Variants in PLGRKT observed in about 807,000 individuals in gnomAD.
PLGRKT encodes the protein plasminogen receptor (KT).
Under a neutral mutation model 18.5 loss-of-function variants are expected in PLGRKT, and 22 were observed. The ratio of observed to expected loss-of-function variants is 1.19; its 90% CI spans 0.85 to 1.70. PLGRKT has a LOEUF of 1.70. Ranked by LOEUF, PLGRKT falls within the 40% of genes most tolerant of loss-of-function variation. The probability of loss-of-function intolerance (pLI) is 0.00; values close to 1 mark genes in which losing one functional copy is unlikely to be tolerated. For missense variants in PLGRKT, 235 were observed against 174.4 expected, an observed-to-expected ratio of 1.35 and a Z score of -1.96; for synonymous variants, 72 against 52.8, an observed-to-expected ratio of 1.36 and a Z score of -1.58.
At chr9:5,424,480 A>G (rs10975110) in intron 3 of PLGRKT, among the ~76,000 whole-genome samples, 1 of 126,934 alleles carries the variant, frequency 7.9e-6, no homozygotes, top group Non-Finnish European at 1.6e-5. Context: ...CATATTATAA[A>G]ATATAATATA....
rs1474253898 is a variant in PLGRKT at position 5,435,336 on chromosome 9, A to AAAAAG, written c.-7+1232_-7+1233insCTTTT. Among the ~76,000 whole-genome samples, 1,076 of 150,258 alleles carry AAAAAG rather than the reference A, an allele frequency of 7.2e-3. 19 individuals carry two copies. The highest frequency in any genetic ancestry group is 0.025 in the African/African-American group (1,009 of 40,264). ...CAATAAATACTAAAAAAAAAAAAAA[A>AAAAAG]AAGAAGAAGATTGAGCTGTCTCAAG... On this transcript the variant is annotated intron_variant, in intron 2 of 5. Transcript: ENST00000223864.
chr9:5,362,590 G>T, intron 3 of PLGRKT, among the ~76,000 whole-genome samples: 1 of 152,138 alleles, frequency 6.6e-6, no homozygotes, highest in East Asian at 1.9e-4. Context: ...AAGTGTTGTT[G>T]GCATTGTTGT....
intron 3 of PLGRKT, among the ~76,000 whole-genome samples, chr9:5,392,044 G>A (rs1026127309): frequency 6.6e-6 from 1 of 151,970 alleles, no homozygotes; most frequent in African/African-American, 2.4e-5. Context: ...TGTACCATGA[G>A]ACCTAGAGGG....
At chr9:5,402,981 T>A (rs1421255019) in intron 3 of PLGRKT, among the ~76,000 whole-genome samples, 2 of 151,772 alleles carry the variant, frequency 1.3e-5, no homozygotes, top group Non-Finnish European at 2.9e-5. Context: ...AAGAAACTTA[T>A]AGAACAGACC....
intron 3 of PLGRKT, among the ~76,000 whole-genome samples, chr9:5,365,663 T>G (rs1054924853): frequency 1.3e-5 from 2 of 152,192 alleles, no homozygotes; most frequent in African/African-American, 4.8e-5. Context: ...AAATGAAATC[T>G]GAACGTGGGA....
At chr9:5,364,151 C>T (rs1980669) in intron 3 of PLGRKT, among the ~76,000 whole-genome samples, 1 of 152,170 alleles carries the variant, frequency 6.6e-6, no homozygotes, top group African/African-American at 2.4e-5. Flanking sequence ...ACCAGATATA[C>T]CTCCCAGACC....
At chr9:5,377,840 G>A (rs7019499) in intron 3 of PLGRKT, among the ~76,000 whole-genome samples, 34,166 of 152,078 alleles carry the variant, frequency 0.22, 4,755 homozygotes, top group Non-Finnish European at 0.3. Flanking sequence ...TTATTCTAGG[G>A]GATGGGGTCT....
At chr9:5,394,019 C>A (rs1351923717) in intron 3 of PLGRKT, among the ~76,000 whole-genome samples, 1 of 151,770 alleles carries the variant, frequency 6.6e-6, no homozygotes, top group East Asian at 1.9e-4. Flanking sequence ...CTAGAAATGA[C>A]CATCTCCCTA....
In PLGRKT at chr9:5,424,744, C is replaced by T. The variant is rs541779316; in HGVS notation, c.81+7153G>A. On this transcript the variant is annotated intron_variant, in intron 3 of 5. Coordinates refer to ENST00000223864, the MANE Select transcript of PLGRKT (RefSeq NM_018465.4). ...ACAGAGAGAGAGAGAGAGAAAGAGA[C>T]AGAGTTTTGTCACGTTGCCCGGGCT... 1.6e-4 allele frequency among the ~76,000 whole-genome samples: 21 copies of T among 133,438 alleles called. No individual in the cohort carries two copies. The East Asian group carries it at 4.1e-3, about 26-fold the overall frequency. The allele number at this position is 133,438 out of a possible 152,430, so 87.5% of individuals were successfully genotyped here.
chr9:5,383,686 T>A (rs1382480317), intron 3 of PLGRKT, among the ~76,000 whole-genome samples: 2 of 152,016 alleles, frequency 1.3e-5, no homozygotes, highest in African/African-American at 4.8e-5. Context: ...GCAACCTACA[T>A]CCCTCACATG....
chr9:5,380,675 T>C (rs1473494688), intron 3 of PLGRKT, among the ~76,000 whole-genome samples: 1 of 152,204 alleles, frequency 6.6e-6, no homozygotes, highest in African/African-American at 2.4e-5. Flanking sequence ...TTTTTCCCAC[T>C]TCTAAAATGT....
At chr9:5,421,919 T>C (rs1221805710) in intron 3 of PLGRKT, among the ~76,000 whole-genome samples, 2 of 152,218 alleles carry the variant, frequency 1.3e-5, no homozygotes, top group Non-Finnish European at 2.9e-5. Context: ...AAAGAGTTTA[T>C]AGTCACAATA....
At chr9:5,362,120 T>C (rs1817280849) in intron 3 of PLGRKT, among the ~76,000 whole-genome samples, 1 of 152,226 alleles carries the variant, frequency 6.6e-6, no homozygotes, top group African/African-American at 2.4e-5. Flanking sequence ...ATTCCATTTT[T>C]ACACCCTGAG....
At chr9:5,430,248 C>A (rs1586747256) in intron 3 of PLGRKT, among the ~76,000 whole-genome samples, 1 of 152,196 alleles carries the variant, frequency 6.6e-6, no homozygotes, top group African/African-American at 2.4e-5. Context: ...AAATCCCAGA[C>A]CCTTCACAGA....
At chr9:5,381,999 A>T in intron 3 of PLGRKT, 1 of 985,424 alleles carries the variant, frequency 1.0e-6, no homozygotes, top group Non-Finnish European at 1.2e-6. Context: ...TTGTTTACCC[A>T]GTCACAAGAC....
chr9:5,364,788 A>C (rs898735188), intron 3 of PLGRKT, among the ~76,000 whole-genome samples: 8 of 152,224 alleles, frequency 5.3e-5, no homozygotes, highest in African/African-American at 1.9e-4. Flanking sequence ...AAGTAAATTG[A>C]CAGAAGATGG....
chr9:5,426,656 G>C (rs978844853), intron 3 of PLGRKT, among the ~76,000 whole-genome samples: 2 of 152,182 alleles, frequency 1.3e-5, no homozygotes, highest in African/African-American at 4.8e-5. Flanking sequence ...AATCCACCAT[G>C]GGACAAGTCT....
In PLGRKT at chr9:5,361,864, T is replaced by C. The variant is rs1234821972; in HGVS notation, c.106A>G (p.Ser36Gly). The C allele has an allele frequency of 6.2e-7, 1 of 1,612,898 alleles. No individual in the cohort carries two copies. The highest frequency in any genetic ancestry group is 1.7e-5 in the Admixed American group (1 of 59,876). ...GCCATTTGTCTTTCCCTCATTTCAC[T>C]CTGCATGATGAGCTGCCTTTCCAGC... ...LQLERQLIMQ[S>G]EMRERQMAMQ... Residue 36 changes from serine to glycine, a missense_variant, in exon 4 of 6, where the codon AGT (serine) becomes GGT (glycine). Transcript: ENST00000223864.
intron 3 of PLGRKT, among the ~76,000 whole-genome samples, chr9:5,381,667 A>C (rs1358809992): frequency 6.8e-6 from 1 of 146,578 alleles, no homozygotes; most frequent in South Asian, 2.2e-4. Flanking sequence ...AAATGCAGAG[A>C]TCTAAAACAC....
Sources: gnomAD v4.1 joint callset for allele counts (sites outside exome capture counted in the v4.1 genomes callset) on GRCh38, gnomAD v4.1.1 for gene constraint, MANE v1.5 for transcripts, NCBI Gene and HGNC (gene_info 2026-07-23, HGNC 2026-07-21) for gene names.